Variants in DENND2B observed in about 807,000 individuals in gnomAD.
DENND2B encodes the protein DENN domain-containing protein 2B.
In DENND2B, 32 loss-of-function variants were observed where a neutral mutation model predicts 116.0. The observed-to-expected ratio is 0.28, with a 90% CI of 0.21 to 0.37. The LOEUF (loss-of-function observed/expected upper bound fraction) is 0.37, where lower values mean the gene tolerates loss of function less well. DENND2B is among the 10% of genes least tolerant of loss of function. DENND2B has a pLI of 1.00. For synonymous variants in DENND2B, 588 were observed against 583.9 expected (o/e 1.01, Z -0.10); for missense variants, 1,276 against 1,477.7 (o/e 0.86, Z 2.24).
chr11:8,764,385 C>A (rs1413294781), intron 1 of DENND2B, among the ~76,000 whole-genome samples: 1 of 152,192 alleles, frequency 6.6e-6, no homozygotes, highest in Non-Finnish European at 1.5e-5. Flanking sequence ...TATAGCCAGG[C>A]TCTGCTGGTT....
intron 4 of DENND2B, among the ~76,000 whole-genome samples, chr11:8,720,809 G>C (rs1478615662): frequency 6.6e-6 from 1 of 152,356 alleles, no homozygotes; most frequent in East Asian, 1.9e-4. Context: ...CCAGCTGAGA[G>C]CAAATAAGTA....
intron 2 of DENND2B, among the ~76,000 whole-genome samples, chr11:8,732,678 A>G (rs1446457545): frequency 1.3e-5 from 2 of 152,254 alleles, no homozygotes; most frequent in African/African-American, 4.8e-5. Context: ...GAGCACCATG[A>G]GCATACTTCC....
intron 1 of DENND2B, among the ~76,000 whole-genome samples, chr11:8,901,600 G>T (rs2064172391): frequency 6.6e-6 from 1 of 152,128 alleles, no homozygotes; most frequent in Non-Finnish European, 1.5e-5. Flanking sequence ...GACATCTAAA[G>T]CTTGGCACTT....
chr11:8,716,687 G>A (rs1395202232), intron 5 of DENND2B, among the ~76,000 whole-genome samples: 9 of 150,168 alleles, frequency 6.0e-5, no homozygotes, highest in East Asian at 3.9e-4. Flanking sequence ...TCGCTGTGTC[G>A]CCCAGGTAGG....
intron 7 of DENND2B, among the ~76,000 whole-genome samples, 200 bp downstream of exon 7, chr11:8,714,410 C>A (rs961168245): frequency 1.3e-5 from 2 of 152,216 alleles, no homozygotes; most frequent in Non-Finnish European, 2.9e-5. Flanking sequence ...AGCCGATTCC[C>A]ACACCCACCT....
At chr11:8,806,605 AACACAC>A (rs71059180) in intron 1 of DENND2B, among the ~76,000 whole-genome samples, 53 of 118,576 alleles carry the variant, frequency 4.5e-4, no homozygotes, top group African/African-American at 1.4e-3. Context: ...CTCCCTTCAA[AACACAC>A]ACACACACAC....
At chr11:8,734,075 GTCAC>G (rs2048559574) in intron 2 of DENND2B, among the ~76,000 whole-genome samples, 2 of 152,208 alleles carry the variant, frequency 1.3e-5, no homozygotes, top group South Asian at 4.1e-4. Flanking sequence ...GAAGGCACCA[GTCAC>G]TCATTCCAAG....
intron 3 of DENND2B, among the ~76,000 whole-genome samples, chr11:8,842,931 T>C (rs1193846703): frequency 2.0e-5 from 3 of 152,178 alleles, no homozygotes; most frequent in Non-Finnish European, 4.4e-5. Flanking sequence ...AGGCTTCTCA[T>C]GTAAGCAAAT....
At chr11:8,898,209 G>C (rs190251242) in intron 1 of DENND2B, among the ~76,000 whole-genome samples, 21 of 152,198 alleles carry the variant, frequency 1.4e-4, no homozygotes, top group Non-Finnish European at 2.9e-4. Context: ...TTGACCCAGG[G>C]GCAATTCCTA....
rs1463897034 is a variant in DENND2B at position 8,697,463 on chromosome 11, G to A, written c.3052+62C>T. The A allele has an allele frequency of 2.1e-5, 28 of 1,348,170 alleles. No individual in the cohort carries two copies. In the East Asian group the frequency reaches 6.2e-4, roughly 30 times the overall value. 83.5% of individuals were successfully genotyped at this position (1,348,170 alleles called of 1,614,324 possible). A position where few individuals can be genotyped will look rare whatever the true frequency, so the allele number is the denominator to read the frequency against. ...AGAGGCAGAGTTCTGGCCCTATGGG[G>A]CCCTGACCCAGAGCAGAGGGAGCCT... On this transcript the variant is annotated intron_variant, in intron 17 of 19. Transcript: ENST00000313726.
intron 2 of DENND2B, among the ~76,000 whole-genome samples, chr11:8,734,618 T>G (rs1321851703): frequency 6.6e-6 from 1 of 151,732 alleles, no homozygotes; most frequent in African/African-American, 2.4e-5. Flanking sequence ...CGAAACCCAG[T>G]CTCTACTAAA....
intron 1 of DENND2B, chr11:8,756,959 C>T: frequency 2.2e-6 from 1 of 452,716 alleles, no homozygotes; most frequent in East Asian, 7.0e-5. Flanking sequence ...TACCATCCAT[C>T]CAAAGTTCCT....
rs7930878 is a variant in DENND2B, at chr11:8,823,742, C to G, written c.-114-12407G>C. On this transcript the variant is annotated intron_variant, in intron 4 of 6. Transcript: ENST00000524757. The stretch of plus-strand genomic sequence containing the variant: ...CTGTGAGTCAATTAAACTTCTTTCT[C>G]ATATAAATTACCCAGTCTTGGGCAG... Among the ~76,000 whole-genome samples, 507 of 152,084 alleles carry G rather than the reference C, an allele frequency of 3.3e-3. 5 individuals carry two copies. Among genetic ancestry groups the G allele is most frequent in the African/African-American group, 0.012 (478 of 41,460 alleles).
intron 1 of DENND2B, among the ~76,000 whole-genome samples, chr11:8,803,368 G>A (rs888308185): frequency 3.9e-5 from 6 of 152,226 alleles, no homozygotes; most frequent in South Asian, 2.1e-4. Context: ...CTGGGCGACC[G>A]AGCGAGACTC....
At chr11:8,700,145 A>AG in intron 14 of DENND2B, 4 of 379,832 alleles carry the variant, frequency 1.1e-5, no homozygotes, top group South Asian at 7.9e-5. Context: ...CTCATGGTCC[A>AG]GGCTCTCTTA....
At position 8,711,116 on chromosome 11, in the gene DENND2B, C is replaced by T. The variant is rs2043591649; in HGVS notation, c.2282+6G>A. 1.9e-6 allele frequency: 3 copies of T among 1,613,696 alleles called. No individual in the cohort carries two copies. The highest frequency in any genetic ancestry group is 2.5e-6 in the Non-Finnish European group (3 of 1,179,758). ...CCTTCCTCCCTCAGGCCAGGCCAGG[C>T]CTCACCTGCTATACTCTGACACAGG... On this transcript the variant is annotated splice_donor_region_variant and intron_variant, in intron 10 of 19. Coordinates refer to ENST00000313726, the MANE Select transcript of DENND2B (RefSeq NM_213618.2).
chr11:8,716,075 C>G (rs2044705360), intron 5 of DENND2B, among the ~76,000 whole-genome samples: 1 of 152,250 alleles, frequency 6.6e-6, no homozygotes, highest in African/African-American at 2.4e-5. Flanking sequence ...AACACCTGTG[C>G]TCTCATCTGA....
rs2044603854 is a variant in DENND2B at position 8,715,584 on chromosome 11, C to T, written c.1845+19G>A. On this transcript the variant is annotated intron_variant, in intron 6 of 19. Coordinates refer to ENST00000313726, the MANE Select transcript of DENND2B (RefSeq NM_213618.2). ...CGCCCACCTGCCCGGCTCCAGTGGGCTGCCTCTGGGGAGGGTACCTTGGGA... is the reference window on the plus strand; with the variant it reads ...CGCCCACCTGCCCGGCTCCAGTGGGTTGCCTCTGGGGAGGGTACCTTGGGA... The T allele has an allele frequency of 6.2e-7, 1 of 1,609,498 alleles. No individual in the cohort carries two copies. Among genetic ancestry groups the T allele is most frequent in the African/African-American group, 1.3e-5 (1 of 74,874 alleles).
intron 13 of DENND2B, among the ~76,000 whole-genome samples, chr11:8,705,473 T>G (rs2042435287): frequency 6.6e-6 from 1 of 152,096 alleles, no homozygotes; most frequent in African/African-American, 2.4e-5. Context: ...TCCTGAGTGT[T>G]CCTCTCCTGC....
Sources: gnomAD v4.1 joint callset for allele counts (sites outside exome capture counted in the v4.1 genomes callset) on GRCh38, gnomAD v4.1.1 for gene constraint, MANE v1.5 for transcripts, NCBI Gene and HGNC (gene_info 2026-07-23, HGNC 2026-07-21) for gene names.